PCSK2: variants seen among roughly 807,000 people sequenced by gnomAD.
The protein encoded by PCSK2 is neuroendocrine convertase 2.
PCSK2 carries 14 observed loss-of-function variants against 69.7 expected under a neutral mutation model. That is an observed-to-expected ratio of 0.20 (90% CI 0.13 to 0.31). The LOEUF (loss-of-function observed/expected upper bound fraction) is 0.31, where lower values mean the gene tolerates loss of function less well. Among genes scored for constraint, PCSK2 ranks in the 10% least tolerant of loss-of-function variants. The pLI, the probability that PCSK2 is intolerant of heterozygous loss-of-function variation, is 1.00. For synonymous variants in PCSK2, 307 were observed against 320.7 expected, an observed-to-expected ratio of 0.96 and a Z score of 0.46; for missense variants, 544 against 842.5, an observed-to-expected ratio of 0.65 and a Z score of 4.39.
At chr20:17,436,982 T>C in intron 8 of PCSK2, 99 bp downstream of exon 8, 2 of 1,065,702 alleles carry the variant, frequency 1.9e-6, no homozygotes, top group Non-Finnish European at 2.6e-6. Context: ...ACCCTGTGTG[T>C]GAGTCCAGGT....
intron 2 of PCSK2, among the ~76,000 whole-genome samples, chr20:17,303,457 A>AT (rs1568593351): frequency 1.7e-5 from 1 of 60,020 alleles, no homozygotes; most frequent in Non-Finnish European, 3.2e-5. Context: ...ATATTATATT[A>AT]AATATAATAT....
intron 2 of PCSK2, among the ~76,000 whole-genome samples, chr20:17,334,086 C>G (rs1475869406): frequency 6.6e-6 from 1 of 151,792 alleles, no homozygotes; most frequent in Non-Finnish European, 1.5e-5. Context: ...GTGTTACTTA[C>G]CAGCTCAAGT....
intron 3 of PCSK2, among the ~76,000 whole-genome samples, chr20:17,358,827 C>A (rs1471578892): frequency 6.6e-6 from 1 of 152,088 alleles, no homozygotes; most frequent in Non-Finnish European, 1.5e-5. Flanking sequence ...AAGTCACAGG[C>A]CTAAAAGAAA....
At chr20:17,450,099 C>G (rs944146083) in intron 8 of PCSK2, among the ~76,000 whole-genome samples, 4 of 130,914 alleles carry the variant, frequency 3.1e-5, no homozygotes, top group Admixed American at 1.9e-4. Flanking sequence ...GCGATCTCGG[C>G]TCACTGCGGG....
At chr20:17,277,146 A>G (rs1260882751) in intron 2 of PCSK2, among the ~76,000 whole-genome samples, 2 of 152,166 alleles carry the variant, frequency 1.3e-5, no homozygotes, top group African/African-American at 4.8e-5. Flanking sequence ...ATACTGCCCA[A>G]GGTAATTTAT....
chr20:17,457,581 C>G (rs749182150), intron 10 of PCSK2, among the ~76,000 whole-genome samples: 15 of 152,210 alleles, frequency 9.9e-5, no homozygotes, highest in Non-Finnish European at 1.9e-4. Flanking sequence ...TGCCAAGACA[C>G]TGGTCAAAGC....
chr20:17,403,268 G>A (rs543105581), intron 5 of PCSK2, among the ~76,000 whole-genome samples: 17 of 152,322 alleles, frequency 1.1e-4, no homozygotes, highest in African/African-American at 4.1e-4. Context: ...CTGAAGAAAT[G>A]TTAAATTTCA....
intron 2 of PCSK2, among the ~76,000 whole-genome samples, chr20:17,345,072 C>A (rs1323469992): frequency 6.6e-6 from 1 of 152,158 alleles, no homozygotes; most frequent in Non-Finnish European, 1.5e-5. Flanking sequence ...TTTTCCAAAT[C>A]TTTTCAAATA....
intron 2 of PCSK2, among the ~76,000 whole-genome samples, chr20:17,303,872 G>T (rs1989242594): frequency 6.7e-6 from 1 of 148,392 alleles, no homozygotes; most frequent in African/African-American, 2.5e-5. Context: ...GAACGACCGT[G>T]CCTGGCCTAT....
intron 1 of PCSK2, among the ~76,000 whole-genome samples, chr20:17,246,106 C>T (rs1986762390): frequency 6.6e-6 from 1 of 152,144 alleles, no homozygotes. Flanking sequence ...ATGAGCAAAA[C>T]CGGTGTTGTC....
At chr20:17,326,187 C>T (rs1227692904) in intron 2 of PCSK2, among the ~76,000 whole-genome samples, 2 of 152,214 alleles carry the variant, frequency 1.3e-5, no homozygotes, top group African/African-American at 4.8e-5. Flanking sequence ...GAGCAATCTA[C>T]CTCAATATTA....
chr20:17,284,022 C>A (rs1210907672), intron 2 of PCSK2, among the ~76,000 whole-genome samples: 2 of 152,274 alleles, frequency 1.3e-5, no homozygotes, highest in Middle Eastern at 3.4e-3. Context: ...ACATTTATAT[C>A]GTTCACAGGA....
intron 2 of PCSK2, among the ~76,000 whole-genome samples, chr20:17,346,093 G>A (rs979215081): frequency 6.6e-6 from 1 of 152,228 alleles, no homozygotes; most frequent in African/African-American, 2.4e-5. Context: ...TGGGAACTAG[G>A]CAATCCAGAC....
chr20:17,466,016 G>A (rs1306591878), intron 11 of PCSK2, among the ~76,000 whole-genome samples: 1 of 152,110 alleles, frequency 6.6e-6, no homozygotes. Context: ...CTGCAGGTTT[G>A]CATAAATCCA....
At chr20:17,265,332 A>T (rs1987555899) in intron 2 of PCSK2, among the ~76,000 whole-genome samples, 1 of 152,118 alleles carries the variant, frequency 6.6e-6, no homozygotes, top group African/African-American at 2.4e-5. Flanking sequence ...TTTTTAAGGG[A>T]TTTATACCCA....
At position 17,350,553 on chromosome 20, in the gene PCSK2, T is replaced by G. The variant is rs1343891635; in HGVS notation, c.283-7774T>G. On this transcript the variant is annotated intron_variant, in intron 2 of 11. Transcript: ENST00000262545. The stretch of plus-strand genomic sequence containing the variant: ...TGGCCCAGGTCCTCAGAGAGTTATA[T>G]GCACAGTTAAGTTGTCCCAGATACT... Among the ~76,000 whole-genome samples, 3 of 152,046 alleles carry G rather than the reference T, an allele frequency of 2.0e-5. No homozygotes were observed. In the East Asian group the frequency reaches 5.8e-4, roughly 29 times the overall value.
chr20:17,397,001 C>T (rs2031525682), intron 5 of PCSK2, among the ~76,000 whole-genome samples: 1 of 152,082 alleles, frequency 6.6e-6, no homozygotes, highest in Non-Finnish European at 1.5e-5. Context: ...CTGCTTCAAG[C>T]GATACTCAGG....
chr20:17,255,018 A>G (rs1987123598), intron 1 of PCSK2, among the ~76,000 whole-genome samples: 1 of 152,184 alleles, frequency 6.6e-6, no homozygotes, highest in Non-Finnish European at 1.5e-5. Context: ...TGTTAATCTT[A>G]TATTCTGCAA....
In PCSK2 at chr20:17,312,693, C is replaced by T. The variant is rs758253826; in HGVS notation, c.283-45634C>T. ...TTTTTTTTGTTATTCTGATAACATTCTTCTCTTCTAGACTATGAGAAGAGA... is the reference window on the plus strand; with the variant it reads ...TTTTTTTTGTTATTCTGATAACATTTTTCTCTTCTAGACTATGAGAAGAGA... On this transcript the variant is annotated intron_variant, in intron 2 of 11. Transcript: ENST00000262545. Among the ~76,000 whole-genome samples the T allele has an allele frequency of 5.3e-5, 8 of 152,124 alleles. No individual in the cohort carries two copies. In the South Asian group the frequency reaches 1.7e-3, roughly 32 times the overall value.
Sources: allele counts gnomAD v4.1 joint callset (sites outside exome capture counted in the v4.1 genomes callset), GRCh38; gene constraint gnomAD v4.1.1; transcripts MANE v1.5; gene names NCBI Gene and HGNC (gene_info 2026-07-23, HGNC 2026-07-21).